The following SAMD14 variants were observed in gnomAD, a reference collection of about 807,000 sequenced individuals.
SAMD14 encodes sterile alpha motif domain containing 14, also known as sterile alpha motif domain-containing protein 14.
In SAMD14, 27 loss-of-function variants were observed where a neutral mutation model predicts 46.2. The ratio of observed to expected loss-of-function variants is 0.58; its 90% CI spans 0.43 to 0.81. The LOEUF (loss-of-function observed/expected upper bound fraction) is 0.81. Ranked by LOEUF, SAMD14 falls within the 30% of genes least tolerant of loss-of-function variation. The pLI is 0.00. For missense variants in SAMD14, 559 were observed against 582.2 expected (o/e 0.96, Z 0.41); for synonymous variants, 241 against 254.3 (o/e 0.95, Z 0.50).
At chr17:50,116,329 C>G in intron 4 of SAMD14, 1 of 527,952 alleles carries the variant, frequency 1.9e-6, no homozygotes, top group Non-Finnish European at 3.2e-6. Context: ...CTTATGACAG[C>G]CTTTTACAAA....
chr17:50,113,183 A>G, intron 9 of SAMD14, 135 bp from the exon 10 acceptor site: 1 of 980,474 alleles, frequency 1.0e-6, no homozygotes, highest in Non-Finnish European at 1.5e-6. Flanking sequence ...TCCGCCTCCC[A>G]CACCGTGACC....
rs1262307762 is a variant in SAMD14, at chr17:50,117,587, GC to G, written c.318del (p.Arg107AlafsTer172). On this transcript the variant is annotated frameshift_variant, in exon 4 of 10. Coordinates refer to ENST00000330175, the MANE Select transcript of SAMD14 (RefSeq NM_001257359.2). LOFTEE classifies it high-confidence loss of function. ...GSFCLDPPGL[R>X]RSLDEDEPPP... ...GGCGGCTCGTCCTCGTCCAGGCTGCGCCGCAACCCCGGAGGATCCAGGCAGA... is the reference window on the plus strand; with the variant it reads ...GGCGGCTCGTCCTCGTCCAGGCTGCGCGCAACCCCGGAGGATCCAGGCAGA... 6.4e-7 allele frequency: 1 copy of G among 1,553,364 alleles called. No homozygotes were observed. The highest frequency in any genetic ancestry group is 8.6e-7 in the Non-Finnish European group (1 of 1,159,772).
chr17:50,121,606 T>C (rs1911503500), intron 2 of SAMD14, among the ~76,000 whole-genome samples: 1 of 152,142 alleles, frequency 6.6e-6, no homozygotes, highest in African/African-American at 2.4e-5. Flanking sequence ...GTGTGGGCCA[T>C]CGCGCCCGGC....
At chr17:50,113,700 T>C (rs772715724) in intron 9 of SAMD14, 12 of 575,378 alleles carry the variant, frequency 2.1e-5, no homozygotes, top group Non-Finnish European at 3.4e-5. Flanking sequence ...ACTGAAGTCA[T>C]GGACTAGAGT....
At chr17:50,121,518 A>T (rs1397260173) in intron 2 of SAMD14, among the ~76,000 whole-genome samples, 5 of 152,040 alleles carry the variant, frequency 3.3e-5, no homozygotes, top group African/African-American at 4.8e-5. Flanking sequence ...GGGTTTCGCC[A>T]TGTTGGTCAG....
intron 1 of SAMD14, among the ~76,000 whole-genome samples, chr17:50,128,840 C>G (rs1374179959): frequency 2.0e-5 from 3 of 152,066 alleles, no homozygotes; most frequent in African/African-American, 7.2e-5. Flanking sequence ...GCCACGGGAA[C>G]TGGCACTGGG....
intron 4 of SAMD14, 108 bp downstream of exon 4, chr17:50,117,299 G>A: frequency 9.0e-7 from 1 of 1,106,916 alleles, no homozygotes; most frequent in Non-Finnish European, 1.2e-6. Context: ...ACCTCCCCCA[G>A]CCACCCTGCT....
At chr17:50,119,643 G>A (rs554617275) in intron 2 of SAMD14, among the ~76,000 whole-genome samples, 20 of 152,214 alleles carry the variant, frequency 1.3e-4, no homozygotes, top group South Asian at 1.0e-3. Context: ...AAAATGAACC[G>A]ATCATGTAAC....
intron 2 of SAMD14, among the ~76,000 whole-genome samples, chr17:50,119,031 C>T (rs565672092): frequency 5.9e-5 from 9 of 152,188 alleles, no homozygotes; most frequent in African/African-American, 9.7e-5. Context: ...CTGTGCCACG[C>T]GCAGGGTCTC....
In SAMD14 at chr17:50,113,019, C is replaced by T; in HGVS notation, c.1128G>A (p.Arg376=). 6.2e-7 allele frequency: 1 copy of T among 1,612,568 alleles called. No individual in the cohort carries two copies. Among genetic ancestry groups the T allele is most frequent in the Non-Finnish European group, 8.5e-7 (1 of 1,179,992 alleles). The change falls in exon 10 of 10, where the codon CGG becomes CGA. Residue 376 remains arginine, a synonymous_variant. Coordinates refer to ENST00000330175, the MANE Select transcript of SAMD14 (RefSeq NM_001257359.2). Reference sequence around the variant, plus strand: ...CCTTCAACTTGCGCTTCACCAGTGCCCGGTCATGAGAGTTGCTGAGCCCCA... The same window carrying T: ...CCTTCAACTTGCGCTTCACCAGTGCTCGGTCATGAGAGTTGCTGAGCCCCA... ...KSLGLSNSHD[R]ALVKRKLKEM...
At chr17:50,124,764 C>CGT (rs1567723031) in intron 2 of SAMD14, among the ~76,000 whole-genome samples, 153 bp downstream of exon 2, 5 of 86,546 alleles carry the variant, frequency 5.8e-5, no homozygotes, top group Non-Finnish European at 9.8e-5. Context: ...CGCGTGCACG[C>CGT]GCGCGCGCAC....
chr17:50,112,521 C>A lies in SAMD14; in HGVS notation c.*372G>T, dbSNP rs1910908097. ...GGCCTCTGGCAGGCAAGCAGGCAGG[C>A]AGGCCTCCTAGCTCCCCTCCACCCC... is the stretch of plus-strand genomic sequence containing the variant. On this transcript the variant is annotated 3_prime_UTR_variant, in exon 10 of 10. Coordinates refer to ENST00000330175, the MANE Select transcript of SAMD14 (RefSeq NM_001257359.2). The A allele has an allele frequency of 5.9e-6, 1 of 170,862 alleles. No individual in the cohort carries two copies. The highest frequency in any genetic ancestry group is 1.2e-5 in the Non-Finnish European group (1 of 80,440). The allele number at this position is 170,862 out of a possible 1,614,324, so 10.6% of individuals were successfully genotyped here. A position where few individuals can be genotyped will look rare whatever the true frequency, so the allele number is the denominator to read the frequency against.
rs777699153 is a variant in SAMD14, at chr17:50,114,126, T to C, written c.943-47A>G. ...TGAGGGGGAGGCTTGGCCTGTGACC[T>C]GAGCACCTTGCAGAGTCAGAGGTCA... On this transcript the variant is annotated intron_variant, in intron 8 of 9. Transcript: ENST00000330175. The C allele has an allele frequency of 4.3e-6, 7 of 1,613,792 alleles. 1 individual carries two copies. The South Asian group carries it at 5.5e-5, about 13-fold the overall frequency.
Position 50,112,545 on chromosome 17 carries a change from C to A in SAMD14, c.*348G>T. ...GCAGGCCTCCTAGCTCCCCTCCACC[C>A]CAGCCCCACGATGGCCTGAGGGCAA... On this transcript the variant is annotated 3_prime_UTR_variant, in exon 10 of 10. Transcript: ENST00000330175. The A allele has an allele frequency of 5.4e-6, 1 of 186,840 alleles. No homozygotes were observed. The highest frequency in any genetic ancestry group is 1.1e-5 in the Non-Finnish European group (1 of 90,886). 11.6% of individuals were successfully genotyped at this position (186,840 alleles called of 1,614,324 possible).
chr17:50,126,315 T>TG (rs1478656691), intron 1 of SAMD14, among the ~76,000 whole-genome samples: 1 of 151,506 alleles, frequency 6.6e-6, no homozygotes, highest in African/African-American at 2.4e-5. Flanking sequence ...ATTTTTTTTT[T>TG]TTTTTTTGAG....
At chr17:50,124,346 G>A (rs549585983) in intron 2 of SAMD14, among the ~76,000 whole-genome samples, 1 of 152,294 alleles carries the variant, frequency 6.6e-6, no homozygotes, top group East Asian at 1.9e-4. Context: ...TTGAGGCTGT[G>A]TATGTTATGC....
At chr17:50,118,419 C>G (rs1911351610) in intron 2 of SAMD14, 92 bp from the exon 3 acceptor site, 1 of 1,447,886 alleles carries the variant, frequency 6.9e-7, no homozygotes, top group Admixed American at 1.9e-5. Flanking sequence ...CACCCACACC[C>G]CAGGCATTCA....
Position 50,115,448 on chromosome 17 carries a change from G to T in SAMD14, c.822+116C>A. 8.7e-7 allele frequency: 1 copy of T among 1,144,124 alleles called. No homozygotes were observed. Among genetic ancestry groups the T allele is most frequent in the South Asian group, 1.6e-5 (1 of 60,882 alleles). The allele number at this position is 1,144,124 out of a possible 1,614,324, so 70.9% of individuals were successfully genotyped here. The stretch of plus-strand genomic sequence containing the variant: ...GTAACGGATCACTGCATGGCTCCAT[G>T]GATGGACAAATTGATTCCAGGAATG... On this transcript the variant is annotated intron_variant, in intron 7 of 9. Coordinates refer to ENST00000330175, the MANE Select transcript of SAMD14 (RefSeq NM_001257359.2). The surrounding 1 kb of genome is among the most constrained non-coding windows in gnomAD (Gnocchi z 5.3).
chr17:50,128,853 C>T (rs1358720111), intron 1 of SAMD14, among the ~76,000 whole-genome samples: 2 of 151,962 alleles, frequency 1.3e-5, no homozygotes, highest in Admixed American at 6.6e-5. Flanking sequence ...GCACTGGGAA[C>T]AAGGGCTTCC....
Sources: allele counts gnomAD v4.1 joint callset (sites outside exome capture counted in the v4.1 genomes callset), GRCh38; gene constraint gnomAD v4.1.1; non-coding constraint Gnocchi (gnomAD v3.1); transcripts MANE v1.5; gene names NCBI Gene and HGNC (gene_info 2026-07-23, HGNC 2026-07-21).